Variants in ARHGAP15 observed in about 807,000 individuals in gnomAD.
ARHGAP15 encodes rho GTPase-activating protein 15.
In ARHGAP15, 51 loss-of-function variants were observed where a neutral mutation model predicts 63.7. The ratio of observed to expected loss-of-function variants is 0.80; its 90% CI spans 0.64 to 1.01. The LOEUF is 1.01. Ranked by LOEUF, ARHGAP15 falls within the 50% of genes least tolerant of loss-of-function variation. The probability of loss-of-function intolerance (pLI) is 0.00; values close to 1 mark genes in which losing one functional copy is unlikely to be tolerated. For missense variants in ARHGAP15, 560 were observed against 564.6 expected, an observed-to-expected ratio of 0.99 and a Z score of 0.08; for synonymous variants, 191 against 193.8, an observed-to-expected ratio of 0.99 and a Z score of 0.12.
intron 1 of ARHGAP15, among the ~76,000 whole-genome samples, chr2:143,150,709 A>G (rs1441735884): frequency 2.0e-5 from 3 of 152,028 alleles, no homozygotes; most frequent in East Asian, 1.9e-4. Context: ...CAATATTTTC[A>G]TTAGTCATTC....
intron 6 of ARHGAP15, among the ~76,000 whole-genome samples, chr2:143,325,096 C>T (rs1232143878): frequency 6.6e-6 from 1 of 152,012 alleles, no homozygotes; most frequent in East Asian, 1.9e-4. Flanking sequence ...AAGAGGAAAG[C>T]CAGCTAAACA....
At chr2:143,180,693 G>A (rs553759164) in intron 2 of ARHGAP15, among the ~76,000 whole-genome samples, 121 of 151,876 alleles carry the variant, frequency 8.0e-4, no homozygotes, top group Non-Finnish European at 1.3e-3. Flanking sequence ...TTTTTGAGAC[G>A]GAGTCTCACT....
At chr2:143,728,873 T>C (rs35875534) in intron 13 of ARHGAP15, among the ~76,000 whole-genome samples, 4 of 152,206 alleles carry the variant, frequency 2.6e-5, no homozygotes, top group Non-Finnish European at 5.9e-5. Context: ...ACCTTTCAAC[T>C]CAGCATTTCC....
chr2:143,437,690 T>G (rs1176132176), intron 8 of ARHGAP15, among the ~76,000 whole-genome samples: 1 of 152,164 alleles, frequency 6.6e-6, no homozygotes, highest in Non-Finnish European at 1.5e-5. Flanking sequence ...ATGCAACACA[T>G]ATCTCACTGA....
At chr2:143,503,606 C>T (rs1328022889) in intron 9 of ARHGAP15, among the ~76,000 whole-genome samples, 1 of 152,198 alleles carries the variant, frequency 6.6e-6, no homozygotes, top group Non-Finnish European at 1.5e-5. Context: ...GTATTGCGTA[C>T]CAGTCCTTCA....
chr2:143,154,491 T>G (rs1260563508), intron 1 of ARHGAP15, among the ~76,000 whole-genome samples: 2 of 151,936 alleles, frequency 1.3e-5, no homozygotes, highest in Admixed American at 1.3e-4. Flanking sequence ...AGTCACAGTT[T>G]TGTTCACTGT....
At chr2:143,266,899 A>G (rs568624595) in intron 6 of ARHGAP15, among the ~76,000 whole-genome samples, 1 of 152,300 alleles carries the variant, frequency 6.6e-6, no homozygotes, top group South Asian at 2.1e-4. Context: ...AGGCTAAACT[A>G]TGCTTTGAGA....
chr2:143,684,824 A>G (rs1683255690), intron 12 of ARHGAP15, among the ~76,000 whole-genome samples: 2 of 152,214 alleles, frequency 1.3e-5, no homozygotes, highest in Admixed American at 1.3e-4. Context: ...TTGTAGTCTC[A>G]GGAACAGTAA....
At chr2:143,508,752 ACT>A (rs1693436897) in intron 9 of ARHGAP15, among the ~76,000 whole-genome samples, 2 of 152,112 alleles carry the variant, frequency 1.3e-5, no homozygotes, top group Admixed American at 1.3e-4. Flanking sequence ...TTGGTTAATA[ACT>A]CTTTAAGATG....
At chr2:143,362,314 T>C (rs148244094) in intron 6 of ARHGAP15, among the ~76,000 whole-genome samples, 230 of 152,318 alleles carry the variant, frequency 1.5e-3, no homozygotes, top group African/African-American at 5.2e-3. Flanking sequence ...GCCTAGGCTA[T>C]TCTGTGGCAA....
intron 8 of ARHGAP15, among the ~76,000 whole-genome samples, chr2:143,452,700 T>G (rs1343102948): frequency 6.9e-6 from 1 of 145,656 alleles, no homozygotes; most frequent in African/African-American, 2.6e-5. Context: ...CAGTCTAAAA[T>G]GAGAGTGCTC....
rs944926669 is a variant in ARHGAP15, at chr2:143,604,971, C to T, written c.1004-19162C>T. On this transcript the variant is annotated intron_variant, in intron 11 of 13. Transcript: ENST00000295095. Reference sequence around the variant, plus strand: ...TCGCTCAGGCTGGAGGGCAATAGAGCAATCTCAGCTCACTGCAACCTCCAC... The same window carrying T: ...TCGCTCAGGCTGGAGGGCAATAGAGTAATCTCAGCTCACTGCAACCTCCAC... Among the ~76,000 whole-genome samples, 4 of 152,192 alleles carry T rather than the reference C, an allele frequency of 2.6e-5. No individual in the cohort carries two copies. In the East Asian group the frequency reaches 7.7e-4, roughly 29 times the overall value.
intron 1 of ARHGAP15, among the ~76,000 whole-genome samples, chr2:143,150,343 T>C (rs796233219): frequency 5.9e-5 from 9 of 152,132 alleles, no homozygotes; most frequent in African/African-American, 2.2e-4. Context: ...ATGAAATTTA[T>C]GATTAGATGA....
At chr2:143,396,173 A>G (rs1384281928) in intron 6 of ARHGAP15, among the ~76,000 whole-genome samples, 1 of 152,142 alleles carries the variant, frequency 6.6e-6, no homozygotes, top group Non-Finnish European at 1.5e-5. Flanking sequence ...AAACGAGGTA[A>G]AAGGATTCTG....
intron 3 of ARHGAP15, among the ~76,000 whole-genome samples, chr2:143,206,474 C>T (rs987216808): frequency 3.9e-5 from 6 of 151,992 alleles, no homozygotes; most frequent in African/African-American, 7.2e-5. Context: ...AAATTAATTA[C>T]GTGGATCTCA....
intron 12 of ARHGAP15, chr2:143,641,222 G>A (rs1007877114): frequency 2.0e-5 from 3 of 152,056 alleles, no homozygotes; most frequent in Admixed American, 1.3e-4. Flanking sequence ...CTTGCTTAGC[G>A]GTGGGGGCTC....
At chr2:143,556,290 C>G (rs1023976092) in intron 10 of ARHGAP15, 118 bp from the exon 11 acceptor site, 4 of 704,306 alleles carry the variant, frequency 5.7e-6, no homozygotes, top group African/African-American at 5.4e-5. Flanking sequence ...TTAGAACACA[C>G]AAATTGGTTT....
chr2:143,483,443 G>A (rs1286640899), intron 8 of ARHGAP15, among the ~76,000 whole-genome samples: 1 of 152,226 alleles, frequency 6.6e-6, no homozygotes, highest in African/African-American at 2.4e-5. Context: ...AAATGGCAAG[G>A]TTTTTGAGGT....
chr2:143,138,544 AT>A (rs1321982506), intron 1 of ARHGAP15, among the ~76,000 whole-genome samples: 2 of 152,160 alleles, frequency 1.3e-5, no homozygotes, highest in Non-Finnish European at 2.9e-5. Flanking sequence ...AATATTGCCT[AT>A]GCAGAAGTGT....
Sources: gnomAD v4.1 joint callset for allele counts (sites outside exome capture counted in the v4.1 genomes callset) on GRCh38, gnomAD v4.1.1 for gene constraint, MANE v1.5 for transcripts, NCBI Gene and HGNC (gene_info 2026-07-23, HGNC 2026-07-21) for gene names.